The following SCN10A variants were observed in gnomAD, a reference collection of about 807,000 sequenced individuals.
The protein encoded by SCN10A is sodium channel protein type 10 subunit alpha.
Under a neutral mutation model 170.7 loss-of-function variants are expected in SCN10A, and 162 were observed. That is an observed-to-expected ratio of 0.95 (90% CI 0.84 to 1.08). The LOEUF (loss-of-function observed/expected upper bound fraction) is 1.08, where lower values mean the gene tolerates loss of function less well. Among genes scored for constraint, SCN10A ranks in the 50% least tolerant of loss-of-function variants. The pLI, the probability that SCN10A is intolerant of heterozygous loss-of-function variation, is 0.00. For synonymous variants in SCN10A, 985 were observed against 904.6 expected (o/e 1.09, Z -1.59); for missense variants, 2,527 against 2,436.9 (o/e 1.04, Z -0.78).
At chr3:38,736,675 T>C (rs999915649) in intron 15 of SCN10A, among the ~76,000 whole-genome samples, 1 of 151,882 alleles carries the variant, frequency 6.6e-6, no homozygotes, top group Non-Finnish European at 1.5e-5. Flanking sequence ...GGCATAATAA[T>C]ATTGGTGGGC....
chr3:38,812,759 C>A (rs2064449017), intron 1 of SCN10A, among the ~76,000 whole-genome samples: 1 of 152,176 alleles, frequency 6.6e-6, no homozygotes, highest in Non-Finnish European at 1.5e-5. Flanking sequence ...CACCGCTGGG[C>A]ATGGTAGCTC....
intron 2 of SCN10A, among the ~76,000 whole-genome samples, chr3:38,793,143 T>C (rs1294293261): frequency 3.3e-5 from 5 of 152,086 alleles, no homozygotes; most frequent in Admixed American, 2.0e-4. Flanking sequence ...AACACGGGAA[T>C]ATACAGGCAC....
At chr3:38,760,608 C>G (rs1014700276) in intron 8 of SCN10A, 73 bp downstream of exon 8, 26 of 1,186,270 alleles carry the variant, frequency 2.2e-5, no homozygotes, top group Non-Finnish European at 3.2e-5. Flanking sequence ...CCATCTGTGC[C>G]CATAATATGC....
chr3:38,728,815 G>C lies in SCN10A; in HGVS notation c.2367C>G (p.Asn789Lys), dbSNP rs770046573. The change falls in exon 16 of 28, where the codon AAC becomes AAG. Residue 789 changes from asparagine to lysine, a missense_variant. By Grantham distance (94) the Asn-to-Lys change is moderately conservative. Coordinates refer to ENST00000449082, the MANE Select transcript of SCN10A (RefSeq NM_006514.4). ...CAATGATGGCCAGGATGATGGTGAG[G>C]TTCCCCAGTGCCCCCACTGAGTTTC... ...IIGNSVGALG[N>K]LTIILAIIVF... 2 of 1,614,156 alleles carry C rather than the reference G, an allele frequency of 1.2e-6. No homozygotes were observed. Among genetic ancestry groups the C allele is most frequent in the Admixed American group, 1.7e-5 (1 of 60,030 alleles).
At position 38,739,661 on chromosome 3, in the gene SCN10A, T is replaced by C. The variant is rs377708955; in HGVS notation, c.2134A>G (p.Met712Val). The change falls in exon 15 of 28, where the codon ATG (methionine) becomes GTG (valine). Residue 712 changes from methionine (M) to valine (V), a missense_variant. Transcript: ENST00000449082. The part of the protein sequence containing the change: ...IVFTIFFTAE[M>V]VFKIIAFDPY... ...TCGAAGGCAATGATTTTGAAGACCA[T>C]TTCAGCAGTAAAAAATATGGTAAAG... 3.1e-6 allele frequency: 5 copies of C among 1,614,092 alleles called. No individual in the cohort carries two copies. Among genetic ancestry groups the C allele is most frequent in the Non-Finnish European group, 3.4e-6 (4 of 1,179,968 alleles).
chr3:38,790,141 G>A (rs1055130314), intron 3 of SCN10A, among the ~76,000 whole-genome samples: 5 of 152,190 alleles, frequency 3.3e-5, no homozygotes, highest in African/African-American at 1.2e-4. Context: ...GGGGGGAAAT[G>A]TTAATCCAAG....
chr3:38,705,185 T>C (rs1177265228), intron 26 of SCN10A, among the ~76,000 whole-genome samples: 1 of 152,238 alleles, frequency 6.6e-6, no homozygotes. Context: ...CAAAGTTTTG[T>C]TTAAATGTTC....
At chr3:38,751,428 G>A (rs559767097) in intron 12 of SCN10A, among the ~76,000 whole-genome samples, 4 of 152,260 alleles carry the variant, frequency 2.6e-5, no homozygotes, top group South Asian at 2.1e-4. Flanking sequence ...TTCTTGCTGG[G>A]ACCCTGAATC....
At chr3:38,734,614 G>T (rs1247546214) in intron 15 of SCN10A, among the ~76,000 whole-genome samples, 2 of 152,070 alleles carry the variant, frequency 1.3e-5, no homozygotes, top group Non-Finnish European at 2.9e-5. Context: ...AATACATGTA[G>T]AATAATTGTC....
chr3:38,704,515 C>G (rs2063189471), intron 26 of SCN10A, among the ~76,000 whole-genome samples: 1 of 152,284 alleles, frequency 6.6e-6, no homozygotes, highest in African/African-American at 2.4e-5. Flanking sequence ...GGGATCATAC[C>G]TTTGCAACCC....
intron 27 of SCN10A, among the ~76,000 whole-genome samples, chr3:38,699,198 GTTTT>G (rs66689339): frequency 9.4e-5 from 12 of 127,144 alleles, no homozygotes; most frequent in African/African-American, 2.8e-4. Context: ...GCCTTAATTT[GTTTT>G]TTTTTTTTTT....
At chr3:38,739,356 G>A (rs1439859055) in intron 15 of SCN10A, among the ~76,000 whole-genome samples, 159 bp downstream of exon 15, 1 of 152,194 alleles carries the variant, frequency 6.6e-6, no homozygotes, top group African/African-American at 2.4e-5. Context: ...AAAAGCTGGG[G>A]CCACAGACCC....
At chr3:38,762,989 C>T (rs530980304) in intron 6 of SCN10A, among the ~76,000 whole-genome samples, 3 of 152,132 alleles carry the variant, frequency 2.0e-5, no homozygotes, top group Non-Finnish European at 4.4e-5. Context: ...TCTTAGAGGC[C>T]CCACACAATG....
In SCN10A at chr3:38,697,412, TG is replaced by T. The variant is rs1319721464; in HGVS notation, c.5807del (p.Thr1936AsnfsTer16). 6.2e-7 allele frequency: 1 copy of T among 1,614,262 alleles called. No homozygotes were observed. ...CATCTTCATTTTGTATTGAGCTAGA[TG>T]TCCTCATGTTGACTCTATCACTAAG... ...RGLSDRVNMR[T>X]SSSIQNEDEA... On this transcript the variant is annotated frameshift_variant, in exon 28 of 28. Coordinates refer to ENST00000449082, the MANE Select transcript of SCN10A (RefSeq NM_006514.4). LOFTEE classifies it low-confidence loss of function (END_TRUNC).
intron 20 of SCN10A, among the ~76,000 whole-genome samples, chr3:38,720,916 C>G (rs1382834457): frequency 6.6e-6 from 1 of 152,186 alleles, no homozygotes; most frequent in Admixed American, 6.5e-5. Context: ...CTTGCCCCTG[C>G]AATTTGGCCT....
intron 5 of SCN10A, among the ~76,000 whole-genome samples, chr3:38,769,736 T>C (rs2063977212): frequency 6.6e-6 from 1 of 152,166 alleles, no homozygotes; most frequent in Non-Finnish European, 1.5e-5. Flanking sequence ...TGCAGATTCT[T>C]TTGTTTCATG....
In SCN10A at chr3:38,782,343, A is replaced by G. The variant is rs375766727; in HGVS notation, c.470+6613T>C. On this transcript the variant is annotated intron_variant, in intron 4 of 27. Coordinates refer to ENST00000449082, the MANE Select transcript of SCN10A (RefSeq NM_006514.4). The stretch of plus-strand genomic sequence containing the variant: ...GTAAAATGCCTTTATTCTCATTTTT[A>G]TCCCCCTCTGGAGGCACCGTGGTTT... Among the ~76,000 whole-genome samples the G allele has an allele frequency of 1.2e-4, 18 of 152,112 alleles. No homozygotes were observed. In the South Asian group the frequency reaches 2.9e-3, roughly 25 times the overall value.
intron 1 of SCN10A, among the ~76,000 whole-genome samples, chr3:38,805,969 T>C (rs2064402350): frequency 6.6e-6 from 1 of 152,098 alleles, no homozygotes; most frequent in African/African-American, 2.4e-5. Context: ...GGTTCTGAAA[T>C]AGCTAGTGAG....
chr3:38,803,092 A>G (rs2126064781), intron 1 of SCN10A, among the ~76,000 whole-genome samples: 1 of 152,344 alleles, frequency 6.6e-6, no homozygotes, highest in East Asian at 1.9e-4. Flanking sequence ...AATCAAAACC[A>G]CAATGAGATA....
Sources: allele counts gnomAD v4.1 joint callset (sites outside exome capture counted in the v4.1 genomes callset), GRCh38; gene constraint gnomAD v4.1.1; transcripts MANE v1.5; gene names NCBI Gene and HGNC (gene_info 2026-07-23, HGNC 2026-07-21).